KIF13A: variants seen among roughly 807,000 people sequenced by gnomAD.
KIF13A encodes kinesin-like protein KIF13A.
In KIF13A, 79 loss-of-function variants were observed where a neutral mutation model predicts 212.2. The observed-to-expected ratio is 0.37, with a 90% confidence interval of 0.31 to 0.45. The LOEUF (loss-of-function observed/expected upper bound fraction) is 0.45. Among genes scored for constraint, KIF13A ranks in the 20% least tolerant of loss-of-function variants. The probability of loss-of-function intolerance (pLI) is 1.00; values close to 1 mark genes in which losing one functional copy is unlikely to be tolerated. For missense variants in KIF13A, 1,901 were observed against 2,209.0 expected (o/e 0.86, Z 2.79); for synonymous variants, 789 against 808.6 (o/e 0.98, Z 0.41).
At position 17,864,481 on chromosome 6, in the gene KIF13A, C is replaced by A. The variant is rs180936179; in HGVS notation, c.221-8359G>T. 3.3e-5 allele frequency among the ~76,000 whole-genome samples: 5 copies of A among 152,174 alleles called. No individual in the cohort carries two copies. The East Asian group carries it at 7.7e-4, about 24-fold the overall frequency. ...GAGTCACCCAACCCTGAGTCACATA[C>A]GATATGAATCTTTTTCTTTTTTGAA... On this transcript the variant is annotated intron_variant, in intron 4 of 38. Transcript: ENST00000259711.
chr6:17,815,109 C>T (rs1429399968), intron 17 of KIF13A, among the ~76,000 whole-genome samples: 1 of 152,228 alleles, frequency 6.6e-6, no homozygotes. Flanking sequence ...GACAAGGGTC[C>T]CTTCCCTGTT....
At chr6:17,819,335 G>A (rs745859282) in intron 16 of KIF13A, among the ~76,000 whole-genome samples, 3 of 152,038 alleles carry the variant, frequency 2.0e-5, no homozygotes, top group Non-Finnish European at 4.4e-5. Context: ...AAGCTGAGGT[G>A]GGCGATCACT....
At chr6:17,887,147 A>G (rs1202783075) in intron 3 of KIF13A, among the ~76,000 whole-genome samples, 1 of 152,116 alleles carries the variant, frequency 6.6e-6, no homozygotes, top group African/African-American at 2.4e-5. Flanking sequence ...TCTGGGCAAC[A>G]GCTTTAAGAA....
intron 2 of KIF13A, among the ~76,000 whole-genome samples, chr6:17,942,335 A>AATATATATAT (rs10599616): frequency 1.4e-5 from 2 of 145,624 alleles, no homozygotes; most frequent in African/African-American, 5.0e-5. Context: ...AACAACAACA[A>AATATATATAT]ATATATATAT....
chr6:17,805,820 G>C (rs1049152080), intron 18 of KIF13A, among the ~76,000 whole-genome samples: 14 of 151,720 alleles, frequency 9.2e-5, no homozygotes, highest in Non-Finnish European at 4.4e-5. Flanking sequence ...TTTTTATCAC[G>C]ATCAAGACCA....
Position 17,794,723 on chromosome 6 carries a change from A to G in KIF13A, c.2943-19T>C. 6.2e-7 allele frequency: 1 copy of G among 1,601,654 alleles called. No homozygotes were observed. Among genetic ancestry groups the G allele is most frequent in the East Asian group, 2.2e-5 (1 of 44,842 alleles). On this transcript the variant is annotated intron_variant, in intron 23 of 38. Coordinates refer to ENST00000259711, the MANE Select transcript of KIF13A (RefSeq NM_022113.6). This position sits in a 1 kb window ranked among gnomAD's most constrained non-coding sequence, Gnocchi z 4.1. The stretch of plus-strand genomic sequence containing the variant: ...ATTCCACCTGCAGAAACACATTCCA[A>G]CAAGCAAGAGCGTCATCGTCCAGGG...
chr6:17,965,479 T>C (rs1477649288), intron 2 of KIF13A, among the ~76,000 whole-genome samples: 1 of 152,246 alleles, frequency 6.6e-6, no homozygotes, highest in Non-Finnish European at 1.5e-5. Context: ...AACTCAGAGT[T>C]CACATGCAGA....
chr6:17,822,768 A>G (rs1764576756), intron 16 of KIF13A, among the ~76,000 whole-genome samples: 1 of 152,184 alleles, frequency 6.6e-6, no homozygotes, highest in African/African-American at 2.4e-5. Flanking sequence ...CTCACAGCAG[A>G]CTTGTTGCTC....
chr6:17,961,057 C>A lies in KIF13A; in HGVS notation c.146+25997G>T. Among the ~76,000 whole-genome samples the A allele has an allele frequency of 6.6e-6, 1 of 152,102 alleles. No homozygotes were observed. The highest frequency in any genetic ancestry group is 1.5e-5 in the Non-Finnish European group (1 of 68,030). ...TACATAAAAATATGGTTAAAATTAT[C>A]TACATAATATTACAGGGGCTTAATG... On this transcript the variant is annotated intron_variant, in intron 2 of 38. Coordinates refer to ENST00000259711, the MANE Select transcript of KIF13A (RefSeq NM_022113.6). This position sits in a 1 kb window ranked among gnomAD's most constrained non-coding sequence, Gnocchi z 4.1.
intron 2 of KIF13A, among the ~76,000 whole-genome samples, chr6:17,931,577 G>A (rs1426692897): frequency 1.3e-5 from 2 of 152,060 alleles, no homozygotes; most frequent in African/African-American, 4.8e-5. Context: ...TTAGAAATAG[G>A]ATCCTGCTAT....
intron 38 of KIF13A, among the ~76,000 whole-genome samples, chr6:17,767,255 ATT>A (rs66600730): frequency 1.4e-5 from 2 of 144,952 alleles, no homozygotes. Flanking sequence ...CTCAAAATTA[ATT>A]TTTTTTTTTT....
At chr6:17,908,898 T>C (rs1465515512) in intron 2 of KIF13A, among the ~76,000 whole-genome samples, 6 of 152,178 alleles carry the variant, frequency 3.9e-5, no homozygotes, top group Non-Finnish European at 7.3e-5. Context: ...GAGTTCAGGA[T>C]TGGGGGTCAA....
Position 17,794,428 on chromosome 6 carries a change from G to A in KIF13A, c.3076-33C>T, listed in dbSNP as rs1228025872. 1 of 1,593,476 alleles carries A rather than the reference G, an allele frequency of 6.3e-7. No individual in the cohort carries two copies. The highest frequency in any genetic ancestry group is 8.6e-7 in the Non-Finnish European group (1 of 1,166,166). On this transcript the variant is annotated intron_variant, in intron 24 of 38. Transcript: ENST00000259711. This position sits in a 1 kb window ranked among gnomAD's most constrained non-coding sequence, Gnocchi z 4.1. ...GGGTGGGGAGGAGTATGGGTGCCAG[G>A]AATGATAATGAAAAGGAACGGGATA...
In KIF13A at chr6:17,837,976, A is replaced by AC. The variant is rs113413925; in HGVS notation, c.831-394_831-393insG. The stretch of plus-strand genomic sequence containing the variant: ...AAAAAAACAAAAACAAAGAAACCCC[A>AC]AAAAACCAAAATATCATAAAAAGAA... On this transcript the variant is annotated intron_variant, in intron 9 of 38. Coordinates refer to ENST00000259711, the MANE Select transcript of KIF13A (RefSeq NM_022113.6). The surrounding 1 kb of genome is among the most constrained non-coding windows in gnomAD (Gnocchi z 5.4). Among the ~76,000 whole-genome samples the AC allele has an allele frequency of 0.27, 41,253 of 151,436 alleles. 5,935 individuals are homozygous for AC. The highest frequency in any genetic ancestry group is 0.38 in the South Asian group (1,803 of 4,788).
At chr6:17,861,898 T>G (rs1768828627) in intron 4 of KIF13A, among the ~76,000 whole-genome samples, 2 of 152,242 alleles carry the variant, frequency 1.3e-5, no homozygotes, top group African/African-American at 4.8e-5. Flanking sequence ...TATTCAAATC[T>G]TTTCTCTTTT....
At chr6:17,885,837 A>C (rs747986517) in intron 3 of KIF13A, among the ~76,000 whole-genome samples, 1 of 152,214 alleles carries the variant, frequency 6.6e-6, no homozygotes, top group Non-Finnish European at 1.5e-5. Flanking sequence ...TTTCATATTT[A>C]ATCCTCTATC....
At chr6:17,765,226 G>T (rs1308408361) in intron 38 of KIF13A, among the ~76,000 whole-genome samples, 1 of 152,150 alleles carries the variant, frequency 6.6e-6, no homozygotes, top group Non-Finnish European at 1.5e-5. Flanking sequence ...TCCTTCCCTG[G>T]TTTAAGAGAA....
rs4716193 is a variant in KIF13A, at chr6:17,834,115, A to T, written c.1156-44T>A. ...GATATCTGATGTTCAAAATTTTTCC[A>T]CCATCATATACAAGACAATCAGTTA... On this transcript the variant is annotated intron_variant, in intron 11 of 38. Coordinates refer to ENST00000259711, the MANE Select transcript of KIF13A (RefSeq NM_022113.6). This position sits in a 1 kb window ranked among gnomAD's most constrained non-coding sequence, Gnocchi z 4.0. 10 of 1,255,650 alleles carry T rather than the reference A, an allele frequency of 8.0e-6. No individual in the cohort carries two copies. The highest frequency in any genetic ancestry group is 5.5e-5 in the South Asian group (4 of 73,298). 77.8% of individuals were successfully genotyped at this position (1,255,650 alleles called of 1,614,324 possible).
intron 4 of KIF13A, among the ~76,000 whole-genome samples, chr6:17,858,819 T>G (rs1396983641): frequency 6.6e-6 from 1 of 151,100 alleles, no homozygotes; most frequent in Non-Finnish European, 1.5e-5. Flanking sequence ...GGGGTGAGGG[T>G]GGGGACAAGA....
Sources: allele counts gnomAD v4.1 joint callset (sites outside exome capture counted in the v4.1 genomes callset), GRCh38; gene constraint gnomAD v4.1.1; non-coding constraint Gnocchi (gnomAD v3.1); transcripts MANE v1.5; gene names NCBI Gene and HGNC (gene_info 2026-07-23, HGNC 2026-07-21).